Variants in POLR3G observed in about 807,000 individuals in gnomAD.
POLR3G encodes the protein DNA-directed RNA polymerase III subunit RPC7.
Under a neutral mutation model 30.1 loss-of-function variants are expected in POLR3G, and 28 were observed. That is an observed-to-expected ratio of 0.93 (90% CI 0.69 to 1.27). The LOEUF is 1.27. POLR3G is among the 50% of genes most tolerant of loss of function. POLR3G has a pLI of 0.00. For missense variants in POLR3G, 254 were observed against 264.6 expected, an observed-to-expected ratio of 0.96 and a Z score of 0.28; for synonymous variants, 79 against 82.5, an observed-to-expected ratio of 0.96 and a Z score of 0.23.
At chr5:90,483,181 T>G (rs1196705220) in intron 1 of POLR3G, among the ~76,000 whole-genome samples, 1 of 151,230 alleles carries the variant, frequency 6.6e-6, no homozygotes, top group Non-Finnish European at 1.5e-5. Context: ...ATCTCCGAGT[T>G]TTCGGGGAAA....
At chr5:90,485,775 AG>A in intron 2 of POLR3G, 91 bp downstream of exon 2, 2 of 845,042 alleles carry the variant, frequency 2.4e-6, no homozygotes, top group Non-Finnish European at 3.8e-6. Flanking sequence ...GTATGATTAT[AG>A]CATCCTCAAG....
At chr5:90,480,118 C>T (rs1751049963) in intron 1 of POLR3G, among the ~76,000 whole-genome samples, 1 of 152,218 alleles carries the variant, frequency 6.6e-6, no homozygotes, top group Middle Eastern at 3.4e-3. Context: ...ATGAATGACT[C>T]AATGAAATTG....
rs1490314017 is a variant in POLR3G at position 90,514,320 on chromosome 5, T to G, written c.*2181T>G. On this transcript the variant is annotated 3_prime_UTR_variant, in exon 8 of 8. Coordinates refer to ENST00000651687, the MANE Select transcript of POLR3G (RefSeq NM_006467.3). ...TTTGTTGAAGTGTCTTTAAAATTGC[T>G]ATCATGAGCAAAACTGGTTGCTGTA... 1.3e-5 allele frequency: 2 copies of G among 152,252 alleles called. No individual in the cohort carries two copies. The highest frequency in any genetic ancestry group is 1.3e-4 in the Admixed American group (2 of 15,292). The allele number at this position is 152,252 out of a possible 1,614,324, so 9.4% of individuals were successfully genotyped here.
At chr5:90,507,746 C>G (rs1752558459) in intron 7 of POLR3G, among the ~76,000 whole-genome samples, 1 of 152,120 alleles carries the variant, frequency 6.6e-6, no homozygotes, top group African/African-American at 2.4e-5. Context: ...CATTTTAAGT[C>G]TAAACATTTA....
chr5:90,481,764 T>C (rs1751134357), intron 1 of POLR3G, among the ~76,000 whole-genome samples: 1 of 152,248 alleles, frequency 6.6e-6, no homozygotes, highest in Admixed American at 6.5e-5. Flanking sequence ...AAAACATTTA[T>C]GTGATAACTA....
chr5:90,488,186 T>G (rs887358363), intron 3 of POLR3G, 57 bp downstream of exon 3: 1 of 1,355,114 alleles, frequency 7.4e-7, no homozygotes, highest in African/African-American at 1.5e-5. Flanking sequence ...AAACAGTGTT[T>G]AAGCACAAGA....
chr5:90,502,281 G>A (rs1347138123), intron 6 of POLR3G: 4 of 977,542 alleles, frequency 4.1e-6, no homozygotes, highest in Non-Finnish European at 3.6e-6. Context: ...TGCAGGCAGA[G>A]AGAAACATGA....
At chr5:90,476,000 T>C (rs1750794188) in intron 1 of POLR3G, among the ~76,000 whole-genome samples, 1 of 152,174 alleles carries the variant, frequency 6.6e-6, no homozygotes, top group African/African-American at 2.4e-5. Context: ...CGTGAGCCAC[T>C]ACACCCGGCC....
intron 3 of POLR3G, among the ~76,000 whole-genome samples, chr5:90,491,162 C>T (rs548204214): frequency 6.6e-6 from 1 of 152,232 alleles, no homozygotes; most frequent in Non-Finnish European, 1.5e-5. Context: ...GCGATGTCTT[C>T]AAAGTTTGTT....
At chr5:90,495,882 TA>T in intron 4 of POLR3G, 149 bp downstream of exon 4, 1 of 1,104,972 alleles carries the variant, frequency 9.1e-7, no homozygotes, top group South Asian at 2.3e-5. Context: ...TGTTAGAAAC[TA>T]AGGTGAAAAG....
At chr5:90,500,210 C>T (rs1170940856) in intron 5 of POLR3G, among the ~76,000 whole-genome samples, 1 of 151,868 alleles carries the variant, frequency 6.6e-6, no homozygotes, top group African/African-American at 2.4e-5. Context: ...TTGTACTGTC[C>T]TTTATGTTAA....
chr5:90,493,897 A>G (rs1751862038), intron 3 of POLR3G, among the ~76,000 whole-genome samples: 1 of 150,464 alleles, frequency 6.6e-6, no homozygotes, highest in Admixed American at 6.6e-5. Context: ...TTTAGTATAG[A>G]TGGGGTTTCA....
chr5:90,474,630 G>T (rs769075598), upstream of POLR3G: 1 of 328,442 alleles, frequency 3.0e-6, no homozygotes, highest in Non-Finnish European at 5.7e-6. Flanking sequence ...GGAGACTCAG[G>T]TGGCGACCGT....
At chr5:90,474,850 A>G (rs997419109), upstream of POLR3G, 13 of 160,672 alleles carry the variant, frequency 8.1e-5, no homozygotes, top group Non-Finnish European at 1.6e-4. Context: ...GGGCGGGGCT[A>G]GTTGGTAGGG....
chr5:90,497,676 G>A lies in POLR3G; in HGVS notation c.325G>A (p.Glu109Lys), dbSNP rs200084216. 1 of 1,603,648 alleles carries A rather than the reference G, an allele frequency of 6.2e-7. No individual in the cohort carries two copies. The highest frequency in any genetic ancestry group is 8.5e-7 in the Non-Finnish European group (1 of 1,175,590). Residue 109 changes from glutamate (E) to lysine (K), a missense_variant, in exon 5 of 8, where the codon GAG becomes AAG. Coordinates refer to ENST00000651687, the MANE Select transcript of POLR3G (RefSeq NM_006467.3). ...WIPDWRRLPR[E>K]MMPRNKCKKA... ...TACAGATTGGAGAAGACTTCCAAGA[G>A]AGATGATGCCAAGAAATAAATGTAA...
intron 1 of POLR3G, among the ~76,000 whole-genome samples, chr5:90,483,004 G>A (rs1292346380): frequency 6.6e-6 from 1 of 152,078 alleles, no homozygotes; most frequent in Non-Finnish European, 1.5e-5. Flanking sequence ...GACAGGCATG[G>A]TGGCGCACGC....
At chr5:90,474,331 G>GT (rs1561242742), upstream of POLR3G, 1 of 1,578,940 alleles carries the variant, frequency 6.3e-7, no homozygotes, top group Non-Finnish European at 8.7e-7. Context: ...GAGTGTGGGC[G>GT]TGCGAGTCTC....
chr5:90,474,500 C>A (rs1046173188), upstream of POLR3G: 7 of 564,550 alleles, frequency 1.2e-5, no homozygotes, highest in African/African-American at 1.9e-5. Flanking sequence ...GCTCCCGCAC[C>A]CTTCCGCCAG....
chr5:90,483,835 C>G (rs968836866), intron 1 of POLR3G, among the ~76,000 whole-genome samples: 1 of 152,192 alleles, frequency 6.6e-6, no homozygotes, highest in Admixed American at 6.5e-5. Flanking sequence ...TGAATTAAAA[C>G]TTGGACTGCC....
Sources: allele counts gnomAD v4.1 joint callset (sites outside exome capture counted in the v4.1 genomes callset), GRCh38; gene constraint gnomAD v4.1.1; transcripts MANE v1.5; gene names NCBI Gene and HGNC (gene_info 2026-07-23, HGNC 2026-07-21).